Variants in CEP131 observed in about 807,000 individuals in gnomAD.
The protein encoded by CEP131 is centrosomal protein 131, also known as centrosomal protein of 131 kDa.
CEP131 carries 99 observed loss-of-function variants against 136.8 expected under a neutral mutation model. That is an observed-to-expected ratio of 0.72 (90% CI 0.62 to 0.86). The LOEUF is 0.86. Ranked by LOEUF, CEP131 falls within the 40% of genes least tolerant of loss-of-function variation. The pLI is 0.00. For synonymous variants in CEP131, 646 were observed against 612.7 expected, an observed-to-expected ratio of 1.05 and a Z score of -0.80; for missense variants, 1,459 against 1,463.0, an observed-to-expected ratio of 1.00 and a Z score of 0.04.
At chr17:81,196,428 G>C (rs1299698562) in intron 15 of CEP131, among the ~76,000 whole-genome samples, 2 of 152,208 alleles carry the variant, frequency 1.3e-5, no homozygotes, top group Non-Finnish European at 1.5e-5. Context: ...CTTCTCTTCA[G>C]AACAGGAGCC....
Position 81,193,535 on chromosome 17 carries a change from G to T in CEP131, c.2321+391C>A, listed in dbSNP as rs535902095. ...GTCACCCCTCAGACCCCAGGCCAAG[G>T]GAGTGAATGAGAGAGACCGTCCCTG... On this transcript the variant is annotated intron_variant, in intron 18 of 25. Coordinates refer to ENST00000450824, the MANE Select transcript of CEP131 (RefSeq NM_014984.4). Among the ~76,000 whole-genome samples the T allele has an allele frequency of 3.9e-5, 6 of 152,320 alleles. No individual in the cohort carries two copies. The South Asian group carries it at 1.2e-3, about 32-fold the overall frequency.
intron 15 of CEP131, 102 bp from the exon 16 acceptor site, chr17:81,196,053 C>T: frequency 1.0e-6 from 1 of 958,036 alleles, no homozygotes; most frequent in Non-Finnish European, 1.6e-6. Context: ...CTAACAGCAG[C>T]CCTCCCCTGG....
chr17:81,214,502 G>A (rs1319219058), intron 2 of CEP131, among the ~76,000 whole-genome samples: 1 of 152,134 alleles, frequency 6.6e-6, no homozygotes, highest in South Asian at 2.1e-4. Context: ...ATTGCGGTGA[G>A]GTGAAATCAC....
intron 2 of CEP131, among the ~76,000 whole-genome samples, chr17:81,214,771 C>CA (rs1023829686): frequency 2.4e-4 from 35 of 148,470 alleles, no homozygotes; most frequent in African/African-American, 7.4e-4. Context: ...CAATGCCTAT[C>CA]AAAAAAAAAA....
intron 6 of CEP131, 57 bp from the exon 7 acceptor site, chr17:81,202,455 A>G (rs2061914309): frequency 6.4e-7 from 1 of 1,564,060 alleles, no homozygotes; most frequent in Non-Finnish European, 8.7e-7. Context: ...AGCTCTGCCC[A>G]CAGGCAGCAG....
chr17:81,219,818 T>C lies in CEP131; in HGVS notation c.177+62A>G, dbSNP rs977081139. 1.5e-5 allele frequency: 22 copies of C among 1,462,936 alleles called. No homozygotes were observed. Among genetic ancestry groups the C allele is most frequent in the East Asian group, 2.6e-5 (1 of 38,694 alleles). 90.6% of individuals were successfully genotyped at this position (1,462,936 alleles called of 1,614,324 possible). On this transcript the variant is annotated intron_variant, in intron 2 of 25. Transcript: ENST00000450824. The surrounding 1 kb of genome is among the most constrained non-coding windows in gnomAD (Gnocchi z 4.0). The stretch of plus-strand genomic sequence containing the variant: ...TGTGGAGCTGGACCCAGGGGTCAGA[T>C]GCCAACTGAACAACAGCCCTCCAGG...
chr17:81,204,733 C>T (rs2061966325), intron 5 of CEP131, among the ~76,000 whole-genome samples: 1 of 146,996 alleles, frequency 6.8e-6, no homozygotes, highest in Admixed American at 6.7e-5. Context: ...CCTGCACCTG[C>T]ACCGGACCAC....
At chr17:81,196,170 C>A (rs1207612178) in intron 15 of CEP131, among the ~76,000 whole-genome samples, 1 of 152,164 alleles carries the variant, frequency 6.6e-6, no homozygotes, top group Non-Finnish European at 1.5e-5. Context: ...GCTGGGGGAC[C>A]CGGCGAATGT....
rs1332864384 is a variant in CEP131, at chr17:81,219,357, G to A, written c.177+523C>T. On this transcript the variant is annotated intron_variant, in intron 2 of 25. Coordinates refer to ENST00000450824, the MANE Select transcript of CEP131 (RefSeq NM_014984.4). The surrounding 1 kb of genome is among the most constrained non-coding windows in gnomAD (Gnocchi z 4.0). The stretch of plus-strand genomic sequence containing the variant: ...TCGCCAGGCTGGAGTGCAACGGCAC[G>A]ATCTCGGCTCACCGCAACCTCTGCC... Among the ~76,000 whole-genome samples, 5 of 145,796 alleles carry A rather than the reference G, an allele frequency of 3.4e-5. No homozygotes were observed. The highest frequency in any genetic ancestry group is 1.3e-4 in the African/African-American group (5 of 39,254).
rs9908386 is a variant in CEP131, at chr17:81,215,191, T to C, written c.177+4689A>G. Among the ~76,000 whole-genome samples, 140,298 of 152,046 alleles carry C rather than the reference T, an allele frequency of 0.92. 64,919 individuals are homozygous for C. Among genetic ancestry groups the C allele is most frequent in the Non-Finnish European group, 0.96 (65,326 of 67,996 alleles). On this transcript the variant is annotated intron_variant, in intron 2 of 25. Transcript: ENST00000450824. This position sits in a 1 kb window ranked among gnomAD's most constrained non-coding sequence, Gnocchi z 4.1. Reference sequence around the variant, plus strand: ...TCACTGCAGCCTCAAACTTTCTGGGTTCAAGCCATCCTCCTGCCCCAGCCT... The same window carrying C: ...TCACTGCAGCCTCAAACTTTCTGGGCTCAAGCCATCCTCCTGCCCCAGCCT...
chr17:81,216,334 G>A (rs2062246363), intron 2 of CEP131, among the ~76,000 whole-genome samples: 1 of 152,046 alleles, frequency 6.6e-6, no homozygotes, highest in African/African-American at 2.4e-5. Context: ...ACTCCAGCCT[G>A]GGCAAAAAGA....
chr17:81,196,892 C>G, intron 14 of CEP131, 38 bp downstream of exon 14: 1 of 1,606,582 alleles, frequency 6.2e-7, no homozygotes, highest in South Asian at 1.1e-5. Flanking sequence ...AGGTAGGAGG[C>G]TAGCAGGGCC....
intron 18 of CEP131, 121 bp downstream of exon 18, chr17:81,193,794 GCCCTGCGTCCT>G: frequency 9.7e-7 from 1 of 1,034,672 alleles, no homozygotes; most frequent in Non-Finnish European, 1.3e-6. Flanking sequence ...AGGGCCAAGG[GCCCTGCGTCCT>G]CCCTGCATGC....
At chr17:81,194,215 C>T in intron 17 of CEP131, 88 bp from the exon 18 acceptor site, 9 of 1,273,230 alleles carry the variant, frequency 7.1e-6, no homozygotes, top group East Asian at 5.8e-5. Flanking sequence ...TGTCTCAGGC[C>T]CAGAGGGGAC....
rs1046834675 is a variant in CEP131, at chr17:81,191,033, C to T, written c.2817G>A (p.Gln939=). 6.2e-7 allele frequency: 1 copy of T among 1,610,972 alleles called. No individual in the cohort carries two copies. The highest frequency in any genetic ancestry group is 8.5e-7 in the Non-Finnish European group (1 of 1,179,764). The change falls in exon 23 of 26, where the codon CAG becomes CAA. Residue 939 remains glutamine (Q), a synonymous_variant. Transcript: ENST00000450824. ...ACCGCTCCTGAAGCTTCCGCTCCGA[C>T]TGCTCCAGCTCGGAGAGCTCGGCCT... is the stretch of plus-strand genomic sequence containing the variant. The part of the protein sequence containing the change: ...KYEAELSELE[Q]SERKLQERCS...
intron 1 of CEP131, among the ~76,000 whole-genome samples, chr17:81,222,032 C>T (rs1488653527): frequency 6.6e-6 from 1 of 152,128 alleles, no homozygotes; most frequent in East Asian, 1.9e-4. Flanking sequence ...TCCGGCTGTG[C>T]GGAAGAAACT....
intron 2 of CEP131, among the ~76,000 whole-genome samples, chr17:81,214,481 A>G (rs9895441): frequency 0.94 from 143,449 of 152,032 alleles, 67,834 homozygotes; most frequent in Non-Finnish European, 0.97. Flanking sequence ...ACTTGAACCC[A>G]GGAGACAGAG....
rs185872487 is a variant in CEP131, at chr17:81,202,347, C to T, written c.681G>A (p.Gly227=). The T allele has an allele frequency of 1.2e-6, 2 of 1,613,706 alleles. No individual in the cohort carries two copies. The highest frequency in any genetic ancestry group is 1.3e-5 in the African/African-American group (1 of 75,050). ...CACTGGAGACATTCTTCGGCAGCTT[C>T]CCAAAGCCGCTGCTCTCACTGCCCT... ...TCEGSESSGF[G]KLPKNVSSAT... The change falls in exon 7 of 26, where the codon GGG becomes GGA. Residue 227 remains glycine (G), a synonymous_variant. Coordinates refer to ENST00000450824, the MANE Select transcript of CEP131 (RefSeq NM_014984.4).
In CEP131 at chr17:81,202,260, CA is replaced by C; in HGVS notation, c.767del (p.Val256GlyfsTer13). 6.2e-7 allele frequency: 1 copy of C among 1,603,940 alleles called. No homozygotes were observed. The highest frequency in any genetic ancestry group is 8.5e-7 in the Non-Finnish European group (1 of 1,174,670). ...GTCACCTCTCAGCCTCCTCCTCCGT[CA>C]CCTCCTTCCGCCTGGGCAAGCCCGT... ...GSTGLPRRKE[V>X]TEEEAERFIH... On this transcript the variant is annotated frameshift_variant, in exon 7 of 26. Transcript: ENST00000450824. LOFTEE classifies it high-confidence loss of function.
Sources: allele counts gnomAD v4.1 joint callset (sites outside exome capture counted in the v4.1 genomes callset), GRCh38; gene constraint gnomAD v4.1.1; non-coding constraint Gnocchi (gnomAD v3.1); transcripts MANE v1.5; gene names NCBI Gene and HGNC (gene_info 2026-07-23, HGNC 2026-07-21).